FGF14: variants seen among roughly 807,000 people sequenced by gnomAD.
FGF14 encodes the protein fibroblast growth factor homologous factor 4.
Under a neutral mutation model 25.5 loss-of-function variants are expected in FGF14, and 5 were observed. The observed-to-expected ratio is 0.20, with a 90% CI of 0.10 to 0.41. The LOEUF is 0.41. Among genes scored for constraint, FGF14 ranks in the 10% least tolerant of loss-of-function variants. The pLI, the probability that FGF14 is intolerant of heterozygous loss-of-function variation, is 1.00. For missense variants in FGF14, 222 were observed against 320.1 expected (o/e 0.69, Z 2.34); for synonymous variants, 138 against 118.3 (o/e 1.17, Z -1.08).
At chr13:101,840,566 G>T (rs561995995) in intron 3 of FGF14, among the ~76,000 whole-genome samples, 1 of 151,826 alleles carries the variant, frequency 6.6e-6, no homozygotes, top group South Asian at 2.1e-4. Flanking sequence ...TAGTTAAAAG[G>T]TATTCAGAAG....
At chr13:102,200,619 GT>G (rs5806283) in intron 1 of FGF14, among the ~76,000 whole-genome samples, 96,062 of 144,924 alleles carry the variant, frequency 0.66, 31,655 homozygotes, top group East Asian at 0.78. Context: ...CCATTTGATT[GT>G]TTTTTTTTTT....
At chr13:101,782,795 G>A (rs748888487) in intron 3 of FGF14, among the ~76,000 whole-genome samples, 3 of 152,130 alleles carry the variant, frequency 2.0e-5, no homozygotes, top group Non-Finnish European at 4.4e-5. Flanking sequence ...TCATAGATGG[G>A]CATTTAGGTT....
At chr13:102,124,847 C>T (rs1044596335) in intron 1 of FGF14, among the ~76,000 whole-genome samples, 13 of 152,070 alleles carry the variant, frequency 8.5e-5, no homozygotes. Flanking sequence ...GGAACAAAAG[C>T]TTATGATGGT....
chr13:102,207,514 C>A, intron 1 of FGF14, among the ~76,000 whole-genome samples: 1 of 140,444 alleles, frequency 7.1e-6, no homozygotes, highest in South Asian at 2.3e-4. Flanking sequence ...GGGGGAGAGT[C>A]AAAGTATCTG....
chr13:101,846,161 T>C (rs1359134318), intron 3 of FGF14, among the ~76,000 whole-genome samples: 2 of 151,900 alleles, frequency 1.3e-5, no homozygotes, highest in Non-Finnish European at 2.9e-5. Flanking sequence ...GAAATACTAA[T>C]GTCTATCAAT....
At chr13:101,932,253 G>A (rs1594761696) in intron 1 of FGF14, among the ~76,000 whole-genome samples, 1 of 152,042 alleles carries the variant, frequency 6.6e-6, no homozygotes, top group African/African-American at 2.4e-5. Context: ...TTCCAGGCCG[G>A]GTGCAGTGGC....
chr13:102,321,327 G>A (rs1308955651), intron 1 of FGF14, among the ~76,000 whole-genome samples: 3 of 152,100 alleles, frequency 2.0e-5, no homozygotes, highest in South Asian at 4.1e-4. Context: ...TGGTTAACTT[G>A]AAATTACCAT....
chr13:102,158,639 G>A (rs572791893), intron 1 of FGF14, among the ~76,000 whole-genome samples: 83 of 151,842 alleles, frequency 5.5e-4, no homozygotes, highest in African/African-American at 1.9e-3. Flanking sequence ...CCTGCACATT[G>A]TGCACATGTA....
At chr13:101,937,630 C>G (rs1445468768) in intron 1 of FGF14, among the ~76,000 whole-genome samples, 1 of 152,160 alleles carries the variant, frequency 6.6e-6, no homozygotes, top group Non-Finnish European at 1.5e-5. Flanking sequence ...GAGTCTTGCT[C>G]TGTCTCCAGG....
At chr13:102,131,916 C>A (rs572976343) in intron 1 of FGF14, among the ~76,000 whole-genome samples, 73 of 152,316 alleles carry the variant, frequency 4.8e-4, no homozygotes, top group African/African-American at 1.6e-3. Context: ...ATATTACCAA[C>A]TGTGACTAAA....
At chr13:102,206,128 A>AAAACAC (rs2049911142) in intron 1 of FGF14, among the ~76,000 whole-genome samples, 1 of 146,954 alleles carries the variant, frequency 6.8e-6, no homozygotes. Flanking sequence ...TCAACCTTCA[A>AAAACAC]ACACACACAC....
At chr13:102,220,454 TAAG>T (rs992498928) in intron 1 of FGF14, among the ~76,000 whole-genome samples, 3 of 152,188 alleles carry the variant, frequency 2.0e-5, no homozygotes, top group South Asian at 2.1e-4. Flanking sequence ...CACAGAAATT[TAAG>T]AAGGACAGCT....
At chr13:101,903,483 T>A (rs2031835638) in intron 1 of FGF14, among the ~76,000 whole-genome samples, 1 of 152,134 alleles carries the variant, frequency 6.6e-6, no homozygotes, top group South Asian at 2.1e-4. Flanking sequence ...TCTGGAAGAA[T>A]CGAGTTCTAT....
intron 3 of FGF14, among the ~76,000 whole-genome samples, chr13:101,811,996 T>C (rs9554826): frequency 0.18 from 27,160 of 152,116 alleles, 2,568 homozygotes; most frequent in Admixed American, 0.22. Context: ...ATTCCCTAAA[T>C]TGAAGGATGA....
chr13:101,971,152 G>T (rs2037564382), intron 1 of FGF14, among the ~76,000 whole-genome samples: 1 of 152,030 alleles, frequency 6.6e-6, no homozygotes, highest in Non-Finnish European at 1.5e-5. Context: ...AGATTTTATA[G>T]TTTTTTTGCA....
intron 1 of FGF14, among the ~76,000 whole-genome samples, chr13:102,312,868 G>A (rs2055841270): frequency 6.6e-6 from 1 of 152,298 alleles, no homozygotes; most frequent in East Asian, 1.9e-4. Flanking sequence ...CCCTACTTCT[G>A]GACTCCGTCC....
At chr13:102,160,831 A>T (rs2047590715) in intron 1 of FGF14, among the ~76,000 whole-genome samples, 1 of 152,122 alleles carries the variant, frequency 6.6e-6, no homozygotes, top group Non-Finnish European at 1.5e-5. Flanking sequence ...AACAGTGCTT[A>T]TAAAGTGGTA....
chr13:101,960,530 T>C (rs2036784083), intron 1 of FGF14, among the ~76,000 whole-genome samples: 1 of 152,204 alleles, frequency 6.6e-6, no homozygotes, highest in African/African-American at 2.4e-5. Context: ...TCCCATTCCT[T>C]TTTATGGCTG....
chr13:101,867,705 A>AC (rs1319098994), intron 3 of FGF14, among the ~76,000 whole-genome samples: 1 of 152,102 alleles, frequency 6.6e-6, no homozygotes, highest in East Asian at 1.9e-4. Context: ...ATAATGTGGG[A>AC]CCCAGTTCTC....
Sources: allele counts gnomAD v4.1 joint callset (sites outside exome capture counted in the v4.1 genomes callset), GRCh38; gene constraint gnomAD v4.1.1; transcripts MANE v1.5; gene names NCBI Gene and HGNC (gene_info 2026-07-23, HGNC 2026-07-21).